The following PIP4K2A variants were observed in gnomAD, a reference collection of about 807,000 sequenced individuals.
PIP4K2A encodes phosphatidylinositol 5-phosphate 4-kinase type-2 alpha.
PIP4K2A carries 14 observed loss-of-function variants against 42.9 expected under a neutral mutation model. The observed-to-expected ratio is 0.33, with a 90% confidence interval of 0.22 to 0.51. The LOEUF is 0.51. PIP4K2A is among the 20% of genes least tolerant of loss of function. PIP4K2A has a pLI of 0.97. For missense variants in PIP4K2A, 434 were observed against 519.8 expected (o/e 0.83, Z 1.61); for synonymous variants, 192 against 192.2 (o/e 1.00, Z 0.01).
At chr10:22,566,695 C>T (rs1199835561) in intron 6 of PIP4K2A, among the ~76,000 whole-genome samples, 4 of 151,716 alleles carry the variant, frequency 2.6e-5, no homozygotes, top group African/African-American at 7.3e-5. Flanking sequence ...GACTCTCATG[C>T]CCTTGCACCT....
chr10:22,713,503 G>C (rs888563435), intron 1 of PIP4K2A, among the ~76,000 whole-genome samples: 11 of 152,332 alleles, frequency 7.2e-5, no homozygotes, highest in African/African-American at 2.6e-4. Flanking sequence ...CCCGCACAGC[G>C]GCAGGGCGAT....
At chr10:22,650,836 G>GT (rs34493886) in intron 1 of PIP4K2A, among the ~76,000 whole-genome samples, 16 of 66,220 alleles carry the variant, frequency 2.4e-4, no homozygotes, top group Non-Finnish European at 3.5e-4. Context: ...AATCTACTGG[G>GT]TTTTTTTTTT....
Position 22,541,944 on chromosome 10 carries a change from T to C in PIP4K2A, c.896A>G (p.Glu299Gly), listed in dbSNP as rs2130742404. The C allele has an allele frequency of 1.9e-6, 3 of 1,613,860 alleles. No homozygotes were observed. The highest frequency in any genetic ancestry group is 2.5e-6 in the Non-Finnish European group (3 of 1,179,910). Residue 299 changes from glutamate (E) to glycine (G), a missense_variant, in exon 8 of 10, where the codon GAG (glutamate) becomes GGG (glycine). By Grantham distance (98) the Glu-to-Gly change is moderately conservative (BLOSUM62 -2). This residue lies in a region of PIP4K2A where 395 missense variants were observed against 444.5 expected (regional missense o/e 0.89). Transcript: ENST00000376573. Reference protein sequence around the residue: ...EEVECEENDGEEEGESDGTHP... With the variant: ...EEVECEENDGGEEGESDGTHP... ...GGTGCCATCGCTCTCGCCCTCCTCC[T>C]CCCCATCGTTCTCCTCACACTCCAC...
rs375332837 is a variant in PIP4K2A, at chr10:22,664,114, T to C, written c.144+50069A>G. Among the ~76,000 whole-genome samples the C allele has an allele frequency of 6.3e-3, 441 of 70,160 alleles. 18 individuals carry two copies. Among genetic ancestry groups the C allele is most frequent in the South Asian group, 0.016 (46 of 2,870 alleles). The allele number at this position is 70,160 out of a possible 152,430, so 46.0% of individuals were successfully genotyped here. A position where few individuals can be genotyped will look rare whatever the true frequency, so the allele number is the denominator to read the frequency against. ...ACATATATATATATACATATATATA[T>C]ACATATATATATATACATATATATA... On this transcript the variant is annotated intron_variant, in intron 1 of 9. Coordinates refer to ENST00000376573, the MANE Select transcript of PIP4K2A (RefSeq NM_005028.5).
At chr10:22,698,259 G>A (rs1485637118) in intron 1 of PIP4K2A, among the ~76,000 whole-genome samples, 1 of 152,040 alleles carries the variant, frequency 6.6e-6, no homozygotes, top group African/African-American at 2.4e-5. Flanking sequence ...AAAGCATATG[G>A]GAAAAAAGGA....
chr10:22,558,141 C>CA (rs1244391126), intron 6 of PIP4K2A, among the ~76,000 whole-genome samples: 2 of 152,206 alleles, frequency 1.3e-5, no homozygotes, highest in African/African-American at 4.8e-5. Context: ...CTGTGACACT[C>CA]AGAGCTGAAT....
Position 22,537,133 on chromosome 10 carries a change from C to A in PIP4K2A, c.*68G>T. 1 of 1,258,848 alleles carries A rather than the reference C, an allele frequency of 7.9e-7. No homozygotes were observed. The highest frequency in any genetic ancestry group is 1.1e-6 in the Non-Finnish European group (1 of 885,924). The allele number at this position is 1,258,848 out of a possible 1,614,324, so 78.0% of individuals were successfully genotyped here. A position where few individuals can be genotyped will look rare whatever the true frequency, so the allele number is the denominator to read the frequency against. On this transcript the variant is annotated 3_prime_UTR_variant, in exon 10 of 10. Coordinates refer to ENST00000376573, the MANE Select transcript of PIP4K2A (RefSeq NM_005028.5). The stretch of plus-strand genomic sequence containing the variant: ...TGAGTACTTCACTGAGTTTGGTTTT[C>A]ATTTTTCCTACACCGAAGCCACCTC...
intron 1 of PIP4K2A, among the ~76,000 whole-genome samples, chr10:22,619,541 A>G (rs1047443854): frequency 4.6e-5 from 7 of 151,378 alleles, no homozygotes; most frequent in African/African-American, 1.5e-4. Flanking sequence ...GGTTCAAGCA[A>G]TTCTCCTGTC....
chr10:22,565,917 C>T (rs994262620), intron 6 of PIP4K2A, among the ~76,000 whole-genome samples: 4 of 152,130 alleles, frequency 2.6e-5, no homozygotes, highest in African/African-American at 7.2e-5. Context: ...CGCTCCCAGG[C>T]TTATTAGGAA....
intron 4 of PIP4K2A, among the ~76,000 whole-genome samples, chr10:22,582,891 T>TAAAAAAAAAAAAAAAA (rs57477195): frequency 1.7e-5 from 2 of 118,682 alleles, no homozygotes; most frequent in Non-Finnish European, 3.6e-5. Flanking sequence ...CGTCTTGAAG[T>TAAAAAAAAAAAAAAAA]AAAAAAAAAA....
At chr10:22,635,342 G>A (rs1037713197) in intron 1 of PIP4K2A, among the ~76,000 whole-genome samples, 1 of 152,184 alleles carries the variant, frequency 6.6e-6, no homozygotes, top group African/African-American at 2.4e-5. Context: ...CTGAATGTGT[G>A]TGTCTGGAAG....
chr10:22,591,369 T>C (rs752627035), intron 4 of PIP4K2A, among the ~76,000 whole-genome samples: 1 of 152,238 alleles, frequency 6.6e-6, no homozygotes, highest in South Asian at 2.1e-4. Flanking sequence ...AGAGTAGTGA[T>C]AACTGAAACT....
Position 22,581,112 on chromosome 10 carries a change from C to T in PIP4K2A, c.493-7655G>A, listed in dbSNP as rs116648786. ...AGCACAGGCAGCATGAACACAATAC[C>T]GAAGAGTGTTCCTTTCAGCGGCTCC... On this transcript the variant is annotated intron_variant, in intron 4 of 9. Transcript: ENST00000376573. Among the ~76,000 whole-genome samples, 429 of 150,304 alleles carry T rather than the reference C, an allele frequency of 2.9e-3. 3 individuals are homozygous for T. The highest frequency in any genetic ancestry group is 0.01 in the African/African-American group (414 of 40,662).
chr10:22,618,566 T>C (rs926831003), intron 1 of PIP4K2A, among the ~76,000 whole-genome samples: 19 of 152,148 alleles, frequency 1.2e-4, no homozygotes, highest in Non-Finnish European at 1.5e-5. Context: ...CTCAGGTGCA[T>C]TGCTAAGAAA....
At chr10:22,580,716 C>G (rs1386640933) in intron 4 of PIP4K2A, among the ~76,000 whole-genome samples, 1 of 152,158 alleles carries the variant, frequency 6.6e-6, no homozygotes, top group Non-Finnish European at 1.5e-5. Context: ...ACAAGAATGC[C>G]AAAGTTACAA....
chr10:22,671,397 T>C (rs918343050), intron 1 of PIP4K2A, among the ~76,000 whole-genome samples: 2 of 152,188 alleles, frequency 1.3e-5, no homozygotes, highest in African/African-American at 4.8e-5. Context: ...TATTAATGAC[T>C]TGCTCTGGTC....
intron 1 of PIP4K2A, among the ~76,000 whole-genome samples, chr10:22,671,939 T>A (rs1839459825): frequency 6.6e-6 from 1 of 152,118 alleles, no homozygotes; most frequent in Non-Finnish European, 1.5e-5. Flanking sequence ...TAATATAATA[T>A]TTGTTAATGT....
Position 22,536,969 on chromosome 10 carries a change from C to A in PIP4K2A, c.*232G>T, listed in dbSNP as rs3750705. The A allele has an allele frequency of 3.4e-5, 1 of 29,268 alleles. No homozygotes were observed. Among genetic ancestry groups the A allele is most frequent in the Non-Finnish European group, 5.7e-5 (1 of 17,484 alleles). The allele number at this position is 29,268 out of a possible 1,614,324, so 1.8% of individuals were successfully genotyped here. A position where few individuals can be genotyped will look rare whatever the true frequency, so the allele number is the denominator to read the frequency against. The stretch of plus-strand genomic sequence containing the variant: ...CGCGCACACACTCACCCCCCCCCAA[C>A]ACACACACACACACATATACACAAA... On this transcript the variant is annotated 3_prime_UTR_variant, in exon 10 of 10. Coordinates refer to ENST00000376573, the MANE Select transcript of PIP4K2A (RefSeq NM_005028.5).
At chr10:22,546,611 A>T (rs999308897) in intron 7 of PIP4K2A, among the ~76,000 whole-genome samples, 1 of 151,976 alleles carries the variant, frequency 6.6e-6, no homozygotes, top group Non-Finnish European at 1.5e-5. Context: ...GGGTCTCACT[A>T]TGTTGCCCAG....
Sources: allele counts gnomAD v4.1 joint callset (sites outside exome capture counted in the v4.1 genomes callset), GRCh38; gene constraint gnomAD v4.1.1; regional missense constraint gnomAD v4.1.1; transcripts MANE v1.5; gene names NCBI Gene and HGNC (gene_info 2026-07-23, HGNC 2026-07-21).